The following PDSS1 variants were observed in gnomAD, a reference collection of about 807,000 sequenced individuals.
The protein encoded by PDSS1 is all trans-polyprenyl-diphosphate synthase PDSS1.
In PDSS1, 43 loss-of-function variants were observed where a neutral mutation model predicts 57.5. The observed-to-expected ratio is 0.75, with a 90% confidence interval of 0.59 to 0.96. PDSS1 has a LOEUF of 0.96. Ranked by LOEUF, PDSS1 falls within the 50% of genes least tolerant of loss-of-function variation. The pLI, the probability that PDSS1 is intolerant of heterozygous loss-of-function variation, is 0.00. For missense variants in PDSS1, 438 were observed against 527.8 expected (o/e 0.83, Z 1.67); for synonymous variants, 175 against 191.3 (o/e 0.91, Z 0.70).
chr10:26,732,328 A>G (rs72792183), intron 8 of PDSS1, among the ~76,000 whole-genome samples: 2,065 of 152,276 alleles, frequency 0.014, 15 homozygotes, highest in Non-Finnish European at 0.021. Context: ...GAAATCTGGG[A>G]TAGTTGAAAT....
intron 4 of PDSS1, among the ~76,000 whole-genome samples, chr10:26,708,602 G>A (rs1016523086): frequency 2.0e-5 from 3 of 152,148 alleles, no homozygotes; most frequent in African/African-American, 4.8e-5. Flanking sequence ...CCTTATATGG[G>A]CTCTATGCGC....
At chr10:26,712,947 CTG>C (rs1283567065) in intron 5 of PDSS1, among the ~76,000 whole-genome samples, 1 of 95,440 alleles carries the variant, frequency 1.0e-5, no homozygotes, top group African/African-American at 3.4e-5. Context: ...TTATCAGATG[CTG>C]TGTTTTTTTG....
intron 8 of PDSS1, among the ~76,000 whole-genome samples, chr10:26,732,346 G>A (rs1836237026): frequency 6.6e-6 from 1 of 152,220 alleles, no homozygotes. Flanking sequence ...AATCTGAGCA[G>A]TAATGTCCCT....
At chr10:26,722,403 C>T (rs1169584809) in intron 6 of PDSS1, among the ~76,000 whole-genome samples, 1 of 152,100 alleles carries the variant, frequency 6.6e-6, no homozygotes, top group Non-Finnish European at 1.5e-5. Context: ...TGACTAATTA[C>T]TACAGAATGT....
At position 26,746,372 on chromosome 10, in the gene PDSS1, T is replaced by C; in HGVS notation, c.1147T>C (p.Tyr383His). ...VQQTTYLAQQ[Y>H]CHEAIREISK... ...ACAAACAACCTACCTCGCCCAGCAG[T>C]ACTGCCATGAAGCAATAAGAGAGAT... Residue 383 changes from tyrosine (Y) to histidine (H), a missense_variant, in exon 12 of 12, where the codon TAC (tyrosine) becomes CAC (histidine). Tyr to His is a moderately conservative substitution (Grantham distance 83, BLOSUM62 2). This residue lies in a region of PDSS1 where 284 missense variants were observed against 390.7 expected (regional missense o/e 0.73). Transcript: ENST00000376215. 1.2e-6 allele frequency: 2 copies of C among 1,614,092 alleles called. No homozygotes were observed. Among genetic ancestry groups the C allele is most frequent in the South Asian group, 1.1e-5 (1 of 91,080 alleles).
At position 26,723,821 on chromosome 10, in the gene PDSS1, G is replaced by A. The variant is rs955387013; in HGVS notation, c.625G>A (p.Asp209Asn). 2 of 1,611,558 alleles carry A rather than the reference G, an allele frequency of 1.2e-6. No homozygotes were observed. The highest frequency in any genetic ancestry group is 2.2e-5 in the East Asian group (1 of 44,870). ...WGEKKAVLAG[D>N]LILSAASIAL... The stretch of plus-strand genomic sequence containing the variant: ...CTTTTTCTAGGCTGTTCTTGCTGGA[G>A]ATTTAATTCTTTCTGCAGCATCTAT... Residue 209 changes from aspartate (D) to asparagine (N), a missense_variant, in exon 7 of 12, where the codon GAT becomes AAT. Asp to Asn is a conservative substitution (Grantham distance 23). Coordinates refer to ENST00000376215, the MANE Select transcript of PDSS1 (RefSeq NM_014317.5).
chr10:26,699,396 TC>T (rs1355572485), intron 1 of PDSS1, among the ~76,000 whole-genome samples: 8 of 109,652 alleles, frequency 7.3e-5, no homozygotes, highest in African/African-American at 2.5e-4. Flanking sequence ...TTCTTCTTCT[TC>T]TTTTTTTTTT....
At chr10:26,699,881 T>C (rs2477293) in intron 1 of PDSS1, among the ~76,000 whole-genome samples, 97,712 of 152,044 alleles carry the variant, frequency 0.64, 31,874 homozygotes, top group East Asian at 0.8. Flanking sequence ...TTTCACTATA[T>C]GTTAATATGT....
chr10:26,736,408 A>G (rs1331542935), intron 10 of PDSS1, among the ~76,000 whole-genome samples: 1 of 152,250 alleles, frequency 6.6e-6, no homozygotes, highest in Non-Finnish European at 1.5e-5. Flanking sequence ...ATGAAATTCA[A>G]CATTAGCTCT....
intron 10 of PDSS1, among the ~76,000 whole-genome samples, chr10:26,736,181 G>C (rs989819768): frequency 6.6e-6 from 1 of 152,218 alleles, no homozygotes; most frequent in African/African-American, 2.4e-5. Flanking sequence ...TAATGTGAAT[G>C]AAAGGCTTAG....
chr10:26,720,996 C>T (rs937722363), intron 6 of PDSS1, among the ~76,000 whole-genome samples: 8 of 152,154 alleles, frequency 5.3e-5, no homozygotes, highest in Admixed American at 3.3e-4. Context: ...TCACCACACA[C>T]GTGCTCTACA....
intron 10 of PDSS1, among the ~76,000 whole-genome samples, chr10:26,741,406 C>T (rs1402284172): frequency 6.6e-6 from 1 of 152,074 alleles, no homozygotes; most frequent in African/African-American, 2.4e-5. Flanking sequence ...TTGCTTGAAC[C>T]CGGGAGGCAG....
chr10:26,731,684 C>T (rs927433034), intron 8 of PDSS1, among the ~76,000 whole-genome samples: 9 of 152,144 alleles, frequency 5.9e-5, no homozygotes, highest in East Asian at 1.9e-4. Flanking sequence ...TGCCATTACA[C>T]GCTTGAGTTT....
intron 6 of PDSS1, among the ~76,000 whole-genome samples, chr10:26,721,449 C>CAT (rs1554795594): frequency 1.3e-5 from 2 of 151,778 alleles, no homozygotes; most frequent in Admixed American, 1.3e-4. Context: ...CACACACACA[C>CAT]ATACATATAT....
chr10:26,720,911 T>C (rs1316467743), intron 6 of PDSS1, among the ~76,000 whole-genome samples: 1 of 152,190 alleles, frequency 6.6e-6, no homozygotes, highest in Non-Finnish European at 1.5e-5. Context: ...GGTTTGAGGA[T>C]GCATAGATCC....
At chr10:26,710,974 C>T (rs1835395279) in intron 5 of PDSS1, among the ~76,000 whole-genome samples, 1 of 98,332 alleles carries the variant, frequency 1.0e-5, no homozygotes, top group East Asian at 2.5e-4. Context: ...CCAAGGCAAT[C>T]CTTGAAGAGG....
rs771655954 is a variant in PDSS1, at chr10:26,735,260, C to G, written c.852C>G (p.Pro284=). 1.2e-6 allele frequency: 2 copies of G among 1,613,206 alleles called. No homozygotes were observed. The highest frequency in any genetic ancestry group is 1.7e-6 in the Non-Finnish European group (2 of 1,179,210). ...SCKAVSVLGC[P]DPVVHEIAYQ... is the part of the protein sequence containing the mutation. Reference sequence around the variant, plus strand: ...TTCAGGTCTCTGTTCTAGGATGTCCCGACCCAGTGGTGCATGAGATCGCCT... The same window carrying G: ...TTCAGGTCTCTGTTCTAGGATGTCCGGACCCAGTGGTGCATGAGATCGCCT... The change falls in exon 9 of 12, where the codon CCC becomes CCG. Residue 284 remains proline, a synonymous_variant. Coordinates refer to ENST00000376215, the MANE Select transcript of PDSS1 (RefSeq NM_014317.5).
chr10:26,708,581 GGC>G (rs1164492602), intron 4 of PDSS1, among the ~76,000 whole-genome samples: 1 of 152,016 alleles, frequency 6.6e-6, no homozygotes, highest in African/African-American at 2.4e-5. Context: ...CTTGTAATCC[GGC>G]AGCCCATGCC....
At chr10:26,744,472 C>T (rs1248087277) in intron 11 of PDSS1, among the ~76,000 whole-genome samples, 5 of 152,032 alleles carry the variant, frequency 3.3e-5, no homozygotes, top group African/African-American at 1.2e-4. Context: ...CTCACTGCAA[C>T]CTCCGCCTCC....
Sources: gnomAD v4.1 joint callset for allele counts (sites outside exome capture counted in the v4.1 genomes callset) on GRCh38, gnomAD v4.1.1 for gene constraint, gnomAD v4.1.1 regional missense constraint, MANE v1.5 for transcripts, NCBI Gene and HGNC (gene_info 2026-07-23, HGNC 2026-07-21) for gene names.